Variants in AFAP1 observed in about 807,000 individuals in gnomAD.
AFAP1 encodes actin filament associated protein 1.
In AFAP1, 75 loss-of-function variants were observed where a neutral mutation model predicts 93.9. That is an observed-to-expected ratio of 0.80 (90% confidence interval 0.66 to 0.97). AFAP1 has a LOEUF of 0.97. AFAP1 is among the 50% of genes least tolerant of loss of function. AFAP1 has a pLI of 0.00. For missense variants in AFAP1, 1,201 were observed against 1,050.8 expected (o/e 1.14, Z -1.98); for synonymous variants, 517 against 430.7 (o/e 1.20, Z -2.48).
chr4:7,769,723 T>C (rs1223060450), intron 16 of AFAP1, among the ~76,000 whole-genome samples: 1 of 152,216 alleles, frequency 6.6e-6, no homozygotes, highest in Admixed American at 6.5e-5. Context: ...CTAGGATTCC[T>C]GCCAAAATGT....
intron 1 of AFAP1, among the ~76,000 whole-genome samples, chr4:7,900,195 C>T (rs1410251238): frequency 1.3e-5 from 2 of 152,194 alleles, no homozygotes; most frequent in African/African-American, 2.4e-5. Flanking sequence ...CAAAAATCTG[C>T]GATCCTGCAA....
chr4:7,850,690 C>T (rs1714330860), intron 4 of AFAP1, among the ~76,000 whole-genome samples: 1 of 152,240 alleles, frequency 6.6e-6, no homozygotes, highest in African/African-American at 2.4e-5. Context: ...GCATGTTGCG[C>T]ACCCTGCTGG....
At chr4:7,895,047 A>G (rs1298298603) in intron 1 of AFAP1, among the ~76,000 whole-genome samples, 2 of 152,240 alleles carry the variant, frequency 1.3e-5, no homozygotes, top group African/African-American at 2.4e-5. Flanking sequence ...AATTAAGAAC[A>G]TCGTTGGTCT....
intron 5 of AFAP1, among the ~76,000 whole-genome samples, chr4:7,840,341 T>G (rs1182805192): frequency 2.0e-5 from 3 of 151,336 alleles, no homozygotes; most frequent in Admixed American, 6.6e-5. Context: ...TGAGATGAAG[T>G]CTCTCTCCGG....
chr4:7,939,454 C>G lies in AFAP1; in HGVS notation c.-3+202G>C. ...GAGCTGGGGAGCAGTGGGGACCGGC[C>G]CCCACCCGCAGGACGACCGGGACCC... On this transcript the variant is annotated intron_variant, in intron 1 of 17. Transcript: ENST00000420658. This position sits in a 1 kb window ranked among gnomAD's most constrained non-coding sequence, Gnocchi z 5.6. 1 of 297,716 alleles carries G rather than the reference C, an allele frequency of 3.4e-6. No individual in the cohort carries two copies. Among genetic ancestry groups the G allele is most frequent in the Non-Finnish European group, 6.4e-6 (1 of 155,152 alleles). 18.4% of individuals were successfully genotyped at this position (297,716 alleles called of 1,614,324 possible). A position where few individuals can be genotyped will look rare whatever the true frequency, so the allele number is the denominator to read the frequency against.
At chr4:7,785,264 C>CAACA (rs1197431038) in intron 12 of AFAP1, among the ~76,000 whole-genome samples, 2 of 152,158 alleles carry the variant, frequency 1.3e-5, no homozygotes, top group Non-Finnish European at 2.9e-5. Context: ...GACACAGACA[C>CAACA]AACACACTGA....
At chr4:7,812,002 G>A (rs543016710) in intron 8 of AFAP1, among the ~76,000 whole-genome samples, 4 of 144,606 alleles carry the variant, frequency 2.8e-5, no homozygotes, top group Non-Finnish European at 4.5e-5. Context: ...AAAGCGCCGA[G>A]ACTGGCTTTC....
intron 1 of AFAP1, among the ~76,000 whole-genome samples, chr4:7,921,174 A>G (rs1390763887): frequency 7.1e-6 from 1 of 139,902 alleles, no homozygotes; most frequent in East Asian, 2.1e-4. Context: ...ATAAAATGAG[A>G]GCAAAACTTT....
chr4:7,887,584 C>T (rs1026752020), intron 1 of AFAP1, among the ~76,000 whole-genome samples: 1 of 152,054 alleles, frequency 6.6e-6, no homozygotes, highest in Non-Finnish European at 1.5e-5. Context: ...AATGATGTAA[C>T]CATTTGGAAT....
intron 1 of AFAP1, among the ~76,000 whole-genome samples, chr4:7,937,249 G>A (rs974819072): frequency 1.3e-5 from 2 of 152,192 alleles, no homozygotes; most frequent in African/African-American, 2.4e-5. Flanking sequence ...AGGAAAAAAA[G>A]GGGAAGAAGA....
intron 4 of AFAP1, among the ~76,000 whole-genome samples, chr4:7,852,835 T>C (rs1307014976): frequency 1.3e-5 from 2 of 152,210 alleles, no homozygotes; most frequent in South Asian, 2.1e-4. Flanking sequence ...GCCCCCACCA[T>C]CTCACATAAG....
intron 9 of AFAP1, among the ~76,000 whole-genome samples, chr4:7,808,018 CT>C (rs1465691745): frequency 1.3e-5 from 2 of 152,170 alleles, no homozygotes; most frequent in African/African-American, 4.8e-5. Context: ...AATGAGGTAT[CT>C]TTTGGCATCT....
chr4:7,887,574 A>G (rs7655918), intron 1 of AFAP1, among the ~76,000 whole-genome samples: 67,568 of 152,096 alleles, frequency 0.44, 17,229 homozygotes, highest in Non-Finnish European at 0.6. Context: ...AAAATAGCAT[A>G]ATGATGTAAC....
At chr4:7,933,819 T>A (rs1377027710) in intron 1 of AFAP1, among the ~76,000 whole-genome samples, 2 of 152,130 alleles carry the variant, frequency 1.3e-5, no homozygotes, top group Non-Finnish European at 2.9e-5. Context: ...GAAACAATTC[T>A]CCAGTGAGGA....
At chr4:7,890,477 T>A (rs1718403846) in intron 1 of AFAP1, among the ~76,000 whole-genome samples, 1 of 152,222 alleles carries the variant, frequency 6.6e-6, no homozygotes, top group Non-Finnish European at 1.5e-5. Flanking sequence ...GGCTGAGATT[T>A]CTTACAGCAG....
chr4:7,795,281 C>T (rs1168210905), intron 10 of AFAP1, among the ~76,000 whole-genome samples: 1 of 151,624 alleles, frequency 6.6e-6, no homozygotes, highest in Non-Finnish European at 1.5e-5. Flanking sequence ...AAGTACCTTA[C>T]AGAGAGTAAA....
chr4:7,808,846 G>C (rs1327404808), intron 9 of AFAP1, among the ~76,000 whole-genome samples: 2 of 152,090 alleles, frequency 1.3e-5, no homozygotes, highest in African/African-American at 4.8e-5. Context: ...CCTGCCATGT[G>C]ACACACACCA....
rs114927991 is a variant in AFAP1 at position 7,878,762 on chromosome 4, C to T, written c.-2-6682G>A. On this transcript the variant is annotated intron_variant, in intron 1 of 17. Transcript: ENST00000420658. ...TTCACCATTTTTACAAGTGGAGAAACTGGTACTAAGAAAGGTTACGTTTTT... is the reference window on the plus strand; with the variant it reads ...TTCACCATTTTTACAAGTGGAGAAATTGGTACTAAGAAAGGTTACGTTTTT... Among the ~76,000 whole-genome samples the T allele has an allele frequency of 5.8e-3, 890 of 152,292 alleles. 7 individuals are homozygous for T. The highest frequency in any genetic ancestry group is 0.019 in the African/African-American group (778 of 41,552).
chr4:7,819,697 C>T lies in AFAP1; in HGVS notation c.727-526G>A, dbSNP rs143267392. On this transcript the variant is annotated intron_variant, in intron 6 of 17. Coordinates refer to ENST00000420658, the MANE Select transcript of AFAP1 (RefSeq NM_001134647.2). ...TAACCCGGAGTGCAAACTGGCAGGA[C>T]GGGAGAGGGAGAACGTGGTAGGAGA... Among the ~76,000 whole-genome samples, 300 of 152,160 alleles carry T rather than the reference C, an allele frequency of 2.0e-3. 3 individuals are homozygous for T. Among genetic ancestry groups the T allele is most frequent in the African/African-American group, 6.5e-3 (271 of 41,532 alleles).
Sources: gnomAD v4.1 joint callset for allele counts (sites outside exome capture counted in the v4.1 genomes callset) on GRCh38, gnomAD v4.1.1 for gene constraint, Gnocchi (gnomAD v3.1) non-coding constraint, MANE v1.5 for transcripts, NCBI Gene and HGNC (gene_info 2026-07-23, HGNC 2026-07-21) for gene names.